The following COG5 variants were observed in gnomAD, a reference collection of about 807,000 sequenced individuals.
COG5 encodes the protein component of oligomeric golgi complex 5, also known as conserved oligomeric Golgi complex subunit 5.
In COG5, 86 loss-of-function variants were observed where a neutral mutation model predicts 110.4. The ratio of observed to expected loss-of-function variants is 0.78; its 90% CI spans 0.65 to 0.93. The LOEUF (loss-of-function observed/expected upper bound fraction) is 0.93. Ranked by LOEUF, COG5 falls within the 40% of genes least tolerant of loss-of-function variation. The probability of loss-of-function intolerance (pLI) is 0.00; values close to 1 mark genes in which losing one functional copy is unlikely to be tolerated. For missense variants in COG5, 1,077 were observed against 987.0 expected (o/e 1.09, Z -1.22); for synonymous variants, 360 against 334.6 (o/e 1.08, Z -0.83).
At chr7:107,410,805 G>A (rs1051493156) in intron 7 of COG5, among the ~76,000 whole-genome samples, 1 of 152,042 alleles carries the variant, frequency 6.6e-6, no homozygotes, top group East Asian at 1.9e-4. Flanking sequence ...GGGAGTGGGA[G>A]GGCAGAAAAA....
At chr7:107,413,456 G>A (rs115002597) in intron 6 of COG5, among the ~76,000 whole-genome samples, 2,819 of 151,740 alleles carry the variant, frequency 0.019, 86 homozygotes, top group African/African-American at 0.063. Context: ...GAGGGAGAAA[G>A]GTCTATATTA....
chr7:107,396,550 T>A, intron 7 of COG5, among the ~76,000 whole-genome samples: 1 of 144,566 alleles, frequency 6.9e-6, no homozygotes, highest in South Asian at 2.2e-4. Flanking sequence ...GGGTGGGAAA[T>A]GAGAGAAAAA....
rs147657410 is a variant in COG5, at chr7:107,362,503, C to A, written c.836-83G>T. 1,344 of 838,970 alleles carry A rather than the reference C, an allele frequency of 1.6e-3. 8 individuals carry two copies. The highest frequency in any genetic ancestry group is 0.015 in the African/African-American group (894 of 57,910). 52.0% of individuals were successfully genotyped at this position (838,970 alleles called of 1,614,324 possible). A position where few individuals can be genotyped will look rare whatever the true frequency, so the allele number is the denominator to read the frequency against. The stretch of plus-strand genomic sequence containing the variant: ...TATATATGTTATTATAAAAACCATA[C>A]GCAAGCTAAAAAATGAGAAGTTCCT... On this transcript the variant is annotated intron_variant, in intron 8 of 21. Transcript: ENST00000297135.
intron 5 of COG5, among the ~76,000 whole-genome samples, chr7:107,537,094 A>G (rs1801637532): frequency 6.6e-6 from 1 of 152,190 alleles, no homozygotes; most frequent in African/African-American, 2.4e-5. Flanking sequence ...CTGAAACTGG[A>G]GCCCTTCCTT....
In COG5 at chr7:107,372,638, T is replaced by G; in HGVS notation, c.792A>C (p.Leu264Phe). Reference protein sequence around the residue: ...ATLEENINSALDIKVLTQPSQ... With the variant: ...ATLEENINSAFDIKVLTQPSQ... ...AAGGCTGAGTCAAAACTTTTATGTC[T>G]AATGCACTGTTGATATTTTCTTCTA... Residue 264 changes from leucine to phenylalanine, a missense_variant, in exon 8 of 22, where the codon TTA becomes TTC. Transcript: ENST00000297135. 1 of 1,613,702 alleles carries G rather than the reference T, an allele frequency of 6.2e-7. No homozygotes were observed. Among genetic ancestry groups the G allele is most frequent in the Non-Finnish European group, 8.5e-7 (1 of 1,179,792 alleles).
In COG5 at chr7:107,208,942, C is replaced by G. The variant is rs557585059; in HGVS notation, c.2375+1584G>C. 93 of 984,490 alleles carry G rather than the reference C, an allele frequency of 9.4e-5. No individual in the cohort carries two copies. The Middle Eastern group carries it at 2.1e-3, about 22-fold the overall frequency. 61.0% of individuals were successfully genotyped at this position (984,490 alleles called of 1,614,324 possible). A position where few individuals can be genotyped will look rare whatever the true frequency, so the allele number is the denominator to read the frequency against. Reference sequence around the variant, plus strand: ...CAGGGGTTCACGCCCTTGGCTGCACCCTGGACCTTCTTGGGGAGCTATAGA... The same window carrying G: ...CAGGGGTTCACGCCCTTGGCTGCACGCTGGACCTTCTTGGGGAGCTATAGA... On this transcript the variant is annotated intron_variant, in intron 21 of 21. Transcript: ENST00000297135.
intron 2 of COG5, among the ~76,000 whole-genome samples, chr7:107,554,573 T>TA (rs1278058546): frequency 1.3e-5 from 2 of 152,210 alleles, no homozygotes; most frequent in African/African-American, 4.8e-5. Flanking sequence ...AGCCCTGTCT[T>TA]AGTCTGTTTG....
chr7:107,219,603 G>C (rs1350452324), intron 19 of COG5, among the ~76,000 whole-genome samples: 1 of 152,110 alleles, frequency 6.6e-6, no homozygotes, highest in East Asian at 1.9e-4. Context: ...ATACCACATG[G>C]TCTCACTTAT....
At chr7:107,516,167 C>T (rs890224356) in intron 6 of COG5, among the ~76,000 whole-genome samples, 1 of 152,134 alleles carries the variant, frequency 6.6e-6, no homozygotes, top group African/African-American at 2.4e-5. Flanking sequence ...TAAAATAATT[C>T]TGCTTATTCT....
chr7:107,298,876 C>T (rs971215576), intron 11 of COG5, among the ~76,000 whole-genome samples: 2 of 151,954 alleles, frequency 1.3e-5, no homozygotes, highest in Non-Finnish European at 2.9e-5. Context: ...AAATCAGTAA[C>T]AAAAAGATAC....
intron 12 of COG5, among the ~76,000 whole-genome samples, chr7:107,294,722 T>C (rs1031901584): frequency 6.5e-5 from 9 of 137,750 alleles, no homozygotes; most frequent in African/African-American, 2.3e-4. Context: ...TCTTTTTTTT[T>C]TTTTTTTTTT....
intron 10 of COG5, among the ~76,000 whole-genome samples, chr7:107,343,462 C>T (rs1194563028): frequency 6.6e-6 from 1 of 152,094 alleles, no homozygotes; most frequent in Non-Finnish European, 1.5e-5. Flanking sequence ...TGGCAGATTG[C>T]TTGAGCTCAG....
At chr7:107,383,204 TAC>T (rs71522835) in intron 7 of COG5, among the ~76,000 whole-genome samples, 463 of 152,218 alleles carry the variant, frequency 3.0e-3, no homozygotes, top group Non-Finnish European at 5.0e-3. Context: ...AGGACTCAAT[TAC>T]ACAGTTTCAC....
At chr7:107,225,299 T>A (rs1800253382) in intron 19 of COG5, among the ~76,000 whole-genome samples, 1 of 152,188 alleles carries the variant, frequency 6.6e-6, no homozygotes, top group African/African-American at 2.4e-5. Flanking sequence ...ATTTTTTTAT[T>A]ACTTTTTAGC....
intron 6 of COG5, among the ~76,000 whole-genome samples, chr7:107,424,677 T>C (rs1233113148): frequency 6.6e-6 from 1 of 152,206 alleles, no homozygotes; most frequent in Non-Finnish European, 1.5e-5. Flanking sequence ...TGCTTAGCAC[T>C]GTATAAAGAC....
rs185717197 is a variant in COG5, at chr7:107,259,139, T to G, written c.1576-756A>C. 3.3e-5 allele frequency among the ~76,000 whole-genome samples: 5 copies of G among 150,932 alleles called. No individual in the cohort carries two copies. The East Asian group carries it at 9.7e-4, about 29-fold the overall frequency. ...ATCTCTTAACTGTCATGGTTCAAAT[T>G]TAAGAAAAAAAAAATATCAACCATT... On this transcript the variant is annotated intron_variant, in intron 14 of 21. Transcript: ENST00000297135.
At chr7:107,448,358 TCTTTC>T (rs1795135402) in intron 6 of COG5, among the ~76,000 whole-genome samples, 1 of 152,142 alleles carries the variant, frequency 6.6e-6, no homozygotes, top group Admixed American at 6.5e-5. Context: ...GTTTTTTCTT[TCTTTC>T]TTTTTTTTGG....
intron 10 of COG5, among the ~76,000 whole-genome samples, chr7:107,356,689 T>C (rs542820209): frequency 6.6e-6 from 1 of 152,294 alleles, no homozygotes; most frequent in East Asian, 1.9e-4. Context: ...TAGTAATGAT[T>C]GCCCTAGGGA....
chr7:107,300,826 G>A (rs1807196346), intron 11 of COG5, among the ~76,000 whole-genome samples: 1 of 152,034 alleles, frequency 6.6e-6, no homozygotes, highest in Non-Finnish European at 1.5e-5. Flanking sequence ...AAAATCATAT[G>A]AAAATGTAAA....
Sources: gnomAD v4.1 joint callset for allele counts (sites outside exome capture counted in the v4.1 genomes callset) on GRCh38, gnomAD v4.1.1 for gene constraint, MANE v1.5 for transcripts, NCBI Gene and HGNC (gene_info 2026-07-23, HGNC 2026-07-21) for gene names.